The following PHF2 variants were observed in gnomAD, a reference collection of about 807,000 sequenced individuals.
PHF2 encodes PHD finger protein 2.
A neutral mutation model predicts 120.5 loss-of-function variants in PHF2; 27 were observed. The observed-to-expected ratio is 0.22, with a 90% confidence interval of 0.17 to 0.31. PHF2 has a LOEUF of 0.31. Among genes scored for constraint, PHF2 ranks in the 10% least tolerant of loss-of-function variants. The pLI is 1.00. For synonymous variants in PHF2, 568 were observed against 592.5 expected, an observed-to-expected ratio of 0.96 and a Z score of 0.60; for missense variants, 1,024 against 1,434.8, an observed-to-expected ratio of 0.71 and a Z score of 4.63.
Position 93,670,282 on chromosome 9 carries a change from C to T in PHF2, c.2348+3042C>T, listed in dbSNP as rs376849266. ...GCTGGGCCTCCCCTGTAAGGTGGGG[C>T]GGGCTGCCTTGTCCTGGGGCCAGGT... On this transcript the variant is annotated intron_variant, in intron 17 of 21. Coordinates refer to ENST00000359246, the MANE Select transcript of PHF2 (RefSeq NM_005392.4). Among the ~76,000 whole-genome samples, 27 of 152,260 alleles carry T rather than the reference C, an allele frequency of 1.8e-4. No homozygotes were observed. In the South Asian group the frequency reaches 1.9e-3, roughly 11 times the overall value.
intron 1 of PHF2, among the ~76,000 whole-genome samples, chr9:93,601,557 C>T (rs1444953870): frequency 3.9e-5 from 6 of 151,912 alleles, no homozygotes; most frequent in East Asian, 1.9e-4. Context: ...TTTGGGAGGG[C>T]TCTGTGTGGT....
intron 3 of PHF2, among the ~76,000 whole-genome samples, chr9:93,638,030 T>C (rs1826120378): frequency 6.6e-6 from 1 of 152,240 alleles, no homozygotes; most frequent in African/African-American, 2.4e-5. Flanking sequence ...CTCTAGTGAT[T>C]AGTGATGTTG....
intron 2 of PHF2, among the ~76,000 whole-genome samples, chr9:93,634,472 A>T (rs1248166399): frequency 6.6e-6 from 1 of 152,164 alleles, no homozygotes; most frequent in Non-Finnish European, 1.5e-5. Flanking sequence ...CGCTTGGGTA[A>T]CACCTGCTCC....
chr9:93,620,585 A>G (rs73651298), intron 1 of PHF2, among the ~76,000 whole-genome samples: 7,457 of 152,198 alleles, frequency 0.049, 611 homozygotes, highest in African/African-American at 0.17. Context: ...GGAATTGCCC[A>G]CTCTGCATTA....
At chr9:93,583,532 A>G (rs897658998) in intron 1 of PHF2, among the ~76,000 whole-genome samples, 2 of 152,142 alleles carry the variant, frequency 1.3e-5, no homozygotes, top group Admixed American at 6.6e-5. Context: ...CTCCTCAGCA[A>G]CGTTCCAATT....
At chr9:93,636,946 C>G (rs140279405) in intron 3 of PHF2, among the ~76,000 whole-genome samples, 25 of 152,344 alleles carry the variant, frequency 1.6e-4, no homozygotes, top group Admixed American at 4.6e-4. Flanking sequence ...TGCCCACACT[C>G]TTTTTCTGCA....
intron 1 of PHF2, among the ~76,000 whole-genome samples, chr9:93,622,568 C>T (rs1350963193): frequency 6.6e-6 from 1 of 152,112 alleles, no homozygotes; most frequent in East Asian, 1.9e-4. Context: ...ATGGAAGGGG[C>T]CGGGAGCCAG....
chr9:93,609,449 C>T (rs2131625377), intron 1 of PHF2, among the ~76,000 whole-genome samples: 1 of 152,238 alleles, frequency 6.6e-6, no homozygotes, highest in South Asian at 2.1e-4. Flanking sequence ...TCTTGCAAGG[C>T]AGATTTACTG....
Position 93,673,567 on chromosome 9 carries a change from G to C in PHF2, c.2349-18G>C. ...GCCAAGAGCACTGGGCTGAGTGCCT[G>C]TCTCTCTGTGCCCCTAGCCAGCCCC... is the stretch of plus-strand genomic sequence containing the variant. On this transcript the variant is annotated intron_variant, in intron 17 of 21. Coordinates refer to ENST00000359246, the MANE Select transcript of PHF2 (RefSeq NM_005392.4). The C allele has an allele frequency of 6.5e-7, 1 of 1,540,504 alleles. No homozygotes were observed. Among genetic ancestry groups the C allele is most frequent in the Non-Finnish European group, 8.8e-7 (1 of 1,139,414 alleles).
rs1428181786 is a variant in PHF2, at chr9:93,667,154, G to A, written c.2262G>A (p.Lys754=). The change falls in exon 17 of 22, where the codon AAG becomes AAA. Residue 754 remains lysine, a synonymous_variant. Coordinates refer to ENST00000359246, the MANE Select transcript of PHF2 (RefSeq NM_005392.4). ...AGCCCGGCCGCAATGCCAGAGTCAAGAAGGAGAGTGGGAGCTCGGCAGCTG... is the reference window on the plus strand; with the variant it reads ...AGCCCGGCCGCAATGCCAGAGTCAAAAAGGAGAGTGGGAGCTCGGCAGCTG... ...DTKPGRNARV[K]KESGSSAAGI... is the part of the protein sequence containing the mutation. The A allele has an allele frequency of 6.2e-7, 1 of 1,613,332 alleles. No individual in the cohort carries two copies.
At chr9:93,623,832 A>G (rs565810257) in intron 1 of PHF2, among the ~76,000 whole-genome samples, 26 of 152,348 alleles carry the variant, frequency 1.7e-4, no homozygotes, top group African/African-American at 6.3e-4. Flanking sequence ...TCTGGGCTTC[A>G]TGCTCTGTTC....
chr9:93,628,459 T>A (rs1825947998), intron 1 of PHF2, among the ~76,000 whole-genome samples: 1 of 152,254 alleles, frequency 6.6e-6, no homozygotes, highest in African/African-American at 2.4e-5. Context: ...GTTTTGGCAG[T>A]TTGTGTGCTT....
At chr9:93,665,252 G>A (rs1826653919) in intron 14 of PHF2, among the ~76,000 whole-genome samples, 1 of 152,248 alleles carries the variant, frequency 6.6e-6, no homozygotes, top group African/African-American at 2.4e-5. Flanking sequence ...GCATGTGCCA[G>A]GATTCCTAGG....
intron 5 of PHF2, among the ~76,000 whole-genome samples, 171 bp downstream of exon 5, chr9:93,649,383 T>TCC (rs1303171184): frequency 8.7e-5 from 13 of 149,110 alleles, no homozygotes; most frequent in South Asian, 2.1e-4. Context: ...CCTTTTTTTT[T>TCC]TTTTTTTTTT....
At chr9:93,605,464 C>G (rs112189900) in intron 1 of PHF2, among the ~76,000 whole-genome samples, 5 of 152,332 alleles carry the variant, frequency 3.3e-5, no homozygotes, top group African/African-American at 1.2e-4. Context: ...CAATGTAATA[C>G]AGAAGAGTTT....
At chr9:93,617,771 G>A (rs535581039) in intron 1 of PHF2, among the ~76,000 whole-genome samples, 17 of 152,166 alleles carry the variant, frequency 1.1e-4, no homozygotes, top group Non-Finnish European at 1.8e-4. Context: ...TCCAGTGTTC[G>A]AGGGCAGGAA....
At chr9:93,612,877 T>C (rs1409630706) in intron 1 of PHF2, among the ~76,000 whole-genome samples, 2 of 152,250 alleles carry the variant, frequency 1.3e-5, no homozygotes, top group East Asian at 3.8e-4. Flanking sequence ...CTGAGGCCCA[T>C]GCCATAACCA....
At position 93,654,357 on chromosome 9, in the gene PHF2, A is replaced by G. The variant is rs537939164; in HGVS notation, c.790-56A>G. 3.2e-6 allele frequency: 5 copies of G among 1,570,876 alleles called. No individual in the cohort carries two copies. In the South Asian group the frequency reaches 5.6e-5, roughly 18 times the overall value. On this transcript the variant is annotated intron_variant, in intron 6 of 21. Coordinates refer to ENST00000359246, the MANE Select transcript of PHF2 (RefSeq NM_005392.4). The stretch of plus-strand genomic sequence containing the variant: ...TTTCACGTTAGGACCTGTCACTTGC[A>G]CCCCCGACCCCCGCATCCCAGTATG...
At chr9:93,663,261 T>C (rs1017714817) in intron 13 of PHF2, among the ~76,000 whole-genome samples, 1 of 152,158 alleles carries the variant, frequency 6.6e-6, no homozygotes, top group South Asian at 2.1e-4. Flanking sequence ...ACACCCTGTA[T>C]GTTGACAGTG....
Sources: gnomAD v4.1 joint callset for allele counts (sites outside exome capture counted in the v4.1 genomes callset) on GRCh38, gnomAD v4.1.1 for gene constraint, MANE v1.5 for transcripts, NCBI Gene and HGNC (gene_info 2026-07-23, HGNC 2026-07-21) for gene names.